PPP2R1B: variants seen among roughly 807,000 people sequenced by gnomAD.
The protein encoded by PPP2R1B is protein phosphatase 2 scaffold subunit Abeta.
In PPP2R1B, 58 loss-of-function variants were observed where a neutral mutation model predicts 72.7. The observed-to-expected ratio is 0.80, with a 90% CI of 0.65 to 0.99. The LOEUF (loss-of-function observed/expected upper bound fraction) is 0.99. Among genes scored for constraint, PPP2R1B ranks in the 50% least tolerant of loss-of-function variants. The pLI is 0.00. For synonymous variants in PPP2R1B, 256 were observed against 264.6 expected (o/e 0.97, Z 0.32); for missense variants, 695 against 733.6 (o/e 0.95, Z 0.61).
chr11:111,720,668 G>A, the PPP2R1B span: 1 of 1,614,074 alleles, frequency 6.2e-7, no homozygotes, highest in East Asian at 2.2e-5. Flanking sequence ...ACCCAGCCAT[G>A]CAGGCTCTGA....
chr11:111,750,308 C>G (rs376653712), intron 10 of PPP2R1B, among the ~76,000 whole-genome samples: 1 of 152,112 alleles, frequency 6.6e-6, no homozygotes, highest in African/African-American at 2.4e-5. Flanking sequence ...CAAACTGTAG[C>G]GATGTCAATA....
chr11:111,699,306 C>T, the PPP2R1B span, among the ~76,000 whole-genome samples: 20 of 152,314 alleles, frequency 1.3e-4, no homozygotes, highest in African/African-American at 3.4e-4. Flanking sequence ...CCTTGAAGCT[C>T]CCTCTAAACT....
rs782480981 is a variant in PPP2R1B at position 111,766,299 on chromosome 11, C to T, written c.63G>A (p.Ser21=). 3 of 1,588,936 alleles carry T rather than the reference C, an allele frequency of 1.9e-6. No homozygotes were observed. Among genetic ancestry groups the T allele is most frequent in the Non-Finnish European group, 8.6e-7 (1 of 1,168,988 alleles). ...CGATTAAAACCGCGATCGGGTATAGCGAATCATCTCCATCTCCACCCGCTG... is the reference window on the plus strand; with the variant it reads ...CGATTAAAACCGCGATCGGGTATAGTGAATCATCTCCATCTCCACCCGCTG... The part of the protein sequence containing the change: ...PGAAGGDGDD[S]LYPIAVLIDE... Residue 21 remains serine (S), a synonymous_variant, in exon 1 of 15, where the codon TCG becomes TCA. Transcript: ENST00000527614.
the PPP2R1B span, among the ~76,000 whole-genome samples, chr11:111,689,310 G>C: frequency 1.3e-5 from 2 of 152,176 alleles, no homozygotes; most frequent in Non-Finnish European, 2.9e-5. Flanking sequence ...TAGGGGTAAA[G>C]TGGAATTGGG....
At chr11:111,745,298 C>T (rs553476437) in intron 11 of PPP2R1B, among the ~76,000 whole-genome samples, 5 of 152,080 alleles carry the variant, frequency 3.3e-5, no homozygotes, top group Non-Finnish European at 5.9e-5. Flanking sequence ...GTCATCCACC[C>T]GCCTCAGCCT....
chr11:111,744,911 G>A (rs1011743387), intron 11 of PPP2R1B, among the ~76,000 whole-genome samples: 4 of 152,166 alleles, frequency 2.6e-5, no homozygotes, highest in Non-Finnish European at 5.9e-5. Context: ...GCACTAAGGA[G>A]CAAACTCAAG....
At chr11:111,695,049 G>C in the PPP2R1B span, among the ~76,000 whole-genome samples, 25 of 152,256 alleles carry the variant, frequency 1.6e-4, no homozygotes, top group East Asian at 1.4e-3. Flanking sequence ...ATGCATTGAC[G>C]TCAGTGTTGG....
intron 15 of PPP2R1B, chr11:111,729,459 T>C (rs911674567): frequency 6.6e-6 from 1 of 152,254 alleles, no homozygotes; most frequent in African/African-American, 2.4e-5. Flanking sequence ...GGAGATACTG[T>C]CCTTATTTTT....
Position 111,727,177 on chromosome 11 carries a change from C to T in PPP2R1B, c.1912-120G>A, listed in dbSNP as rs570888382. On this transcript the variant is annotated intron_variant, in intron 15 of 15. Transcript: ENST00000311129. ...CTCTGCCTGCACTGCCTTCTGTCAC[C>T]GTGGGAAAAGGAGGCTGATGGTTCT... 3.2e-4 allele frequency: 257 copies of T among 812,630 alleles called. 1 individual carries two copies. In the African/African-American group the frequency reaches 3.7e-3, roughly 12 times the overall value. 50.3% of individuals were successfully genotyped at this position (812,630 alleles called of 1,614,324 possible).
chr11:111,755,486 C>T (rs1555049364), intron 5 of PPP2R1B, 36 bp from the exon 6 acceptor site: 1 of 1,570,652 alleles, frequency 6.4e-7, no homozygotes, highest in Non-Finnish European at 8.6e-7. Context: ...CAGACATTTA[C>T]TGAGACCCAT....
chr11:111,748,136 GAGAT>G (rs1174618809), intron 10 of PPP2R1B, 122 bp from the exon 11 acceptor site: 2 of 756,668 alleles, frequency 2.6e-6, no homozygotes, highest in South Asian at 1.8e-5. Flanking sequence ...AAACAAATAA[GAGAT>G]AGAAACACCA....
exon 16 of PPP2R1B, chr11:111,727,019 T>C: frequency 1.2e-6 from 2 of 1,614,194 alleles, no homozygotes; most frequent in Non-Finnish European, 1.7e-6. Context: ...GCTGGGCAAG[T>C]GTGTCTCTAG....
chr11:111,753,548 G>C lies in PPP2R1B; in HGVS notation c.1059C>G (p.Val353=), dbSNP rs116225074. The change falls in exon 9 of 15, where the codon GTC becomes GTG. Residue 353 remains valine (V), a synonymous_variant. Transcript: ENST00000527614. Reference sequence around the variant, plus strand: ...TAATTACAGAAGCTAGAGCCGATTTGACATGTTGATTGGTATCGGATACTA... The same window carrying C: ...TAATTACAGAAGCTAGAGCCGATTTCACATGTTGATTGGTATCGGATACTA... ...KELVSDTNQH[V]KSALASVIMG... is the part of the protein sequence containing the mutation. 238 of 1,612,110 alleles carry C rather than the reference G, an allele frequency of 1.5e-4. 1 individual carries two copies. The East Asian group carries it at 4.9e-3, about 34-fold the overall frequency.
At chr11:111,720,839 G>C in the PPP2R1B span, 4 of 1,590,290 alleles carry the variant, frequency 2.5e-6, no homozygotes, top group Non-Finnish European at 1.7e-6. Context: ...GTGGTCACCT[G>C]TGGTCACTGA....
chr11:111,703,342 T>C, the PPP2R1B span: 1 of 1,614,136 alleles, frequency 6.2e-7, no homozygotes, highest in East Asian at 2.2e-5. Flanking sequence ...AGCAAGAAAA[T>C]GAGCCATCCA....
In PPP2R1B at chr11:111,755,346, T is replaced by G; in HGVS notation, c.792A>C (p.Ala264=). The change falls in exon 6 of 15, where the codon GCA becomes GCC. Residue 264 remains alanine (A), a synonymous_variant. Transcript: ENST00000527614. ...AGCGAACGCGCCAAGATTTATCTTCTGCTGCTTGTCGAAGTGTAGGCATCA... is the reference window on the plus strand; with the variant it reads ...AGCGAACGCGCCAAGATTTATCTTCGGCTGCTTGTCGAAGTGTAGGCATCA... The part of the protein sequence containing the change: ...TLVMPTLRQA[A]EDKSWRVRYM... 6.2e-7 allele frequency: 1 copy of G among 1,613,772 alleles called. No individual in the cohort carries two copies. The highest frequency in any genetic ancestry group is 1.1e-5 in the South Asian group (1 of 90,960).
intron 1 of PPP2R1B, chr11:111,765,732 A>G (rs1396395930): frequency 1.4e-5 from 7 of 486,348 alleles, no homozygotes; most frequent in Non-Finnish European, 2.8e-5. Context: ...GTTTCAAAGA[A>G]AAGTTCCCAC....
chr11:111,747,910 T>G, intron 11 of PPP2R1B, 44 bp downstream of exon 11: 1 of 1,540,490 alleles, frequency 6.5e-7, no homozygotes, highest in Admixed American at 1.8e-5. Flanking sequence ...TGTATGAAAA[T>G]CATGGATATA....
intron 15 of PPP2R1B, among the ~76,000 whole-genome samples, chr11:111,732,081 AG>A (rs891220222): frequency 2.6e-5 from 4 of 152,194 alleles, no homozygotes; most frequent in African/African-American, 9.7e-5. Context: ...CCCCAAACCC[AG>A]GGCCTCTGCC....
Sources: allele counts gnomAD v4.1 joint callset (sites outside exome capture counted in the v4.1 genomes callset), GRCh38; gene constraint gnomAD v4.1.1; transcripts MANE v1.5; gene names NCBI Gene and HGNC (gene_info 2026-07-23, HGNC 2026-07-21).